The following SHC2 variants were observed in gnomAD, a reference collection of about 807,000 sequenced individuals.
SHC2 encodes SHC adaptor protein 2.
In SHC2, 62 loss-of-function variants were observed where a neutral mutation model predicts 60.6. The ratio of observed to expected loss-of-function variants is 1.02; its 90% CI spans 0.83 to 1.26. The LOEUF is 1.26. Ranked by LOEUF, SHC2 falls within the 50% of genes most tolerant of loss-of-function variation. SHC2 has a pLI of 0.00. For missense variants in SHC2, 873 were observed against 822.2 expected (o/e 1.06, Z -0.76); for synonymous variants, 375 against 372.4 (o/e 1.01, Z -0.08).
In SHC2 at chr19:446,959, CAT is replaced by C. The variant is rs1975068026; in HGVS notation, c.469-6029_469-6028del. 6.6e-6 allele frequency among the ~76,000 whole-genome samples: 1 copy of C among 152,274 alleles called. No homozygotes were observed. Among genetic ancestry groups the C allele is most frequent in the African/African-American group, 2.4e-5 (1 of 41,478 alleles). On this transcript the variant is annotated intron_variant, in intron 1 of 12. Coordinates refer to ENST00000264554, the MANE Select transcript of SHC2 (RefSeq NM_012435.3). The surrounding 1 kb of genome is among the most constrained non-coding windows in gnomAD (Gnocchi z 5.4). Reference sequence around the variant, plus strand: ...CCACGCCAGCCACCGGGACCCACCTCATAGGCTTTGCCATGGTCTGTATCGAT... The same window carrying C: ...CCACGCCAGCCACCGGGACCCACCTCAGGCTTTGCCATGGTCTGTATCGAT...
chr19:458,617 C>T (rs1341516315), intron 1 of SHC2, among the ~76,000 whole-genome samples: 5 of 90,818 alleles, frequency 5.5e-5, no homozygotes, highest in Middle Eastern at 0.011. Flanking sequence ...TCCAGGGAGG[C>T]GGACGCGGGT....
chr19:434,826 C>G lies in SHC2; in HGVS notation c.993G>C (p.Glu331Asp). 1.2e-6 allele frequency: 2 copies of G among 1,612,552 alleles called. No individual in the cohort carries two copies. Among genetic ancestry groups the G allele is most frequent in the Non-Finnish European group, 1.7e-6 (2 of 1,179,778 alleles). ...GPEESAWGDE[E>D]DSLEHNYYNS... is the part of the protein sequence containing the mutation. Reference sequence around the variant, plus strand: ...TGTAGTAATTGTGCTCCAAAGAGTCCTCCTCGTCCCCCCAGGCCGACTCCT... The same window carrying G: ...TGTAGTAATTGTGCTCCAAAGAGTCGTCCTCGTCCCCCCAGGCCGACTCCT... Residue 331 changes from glutamate to aspartate, a missense_variant, in exon 8 of 13, where the codon GAG (glutamate) becomes GAC (aspartate). Transcript: ENST00000264554.
chr19:430,151 A>C lies in SHC2; in HGVS notation c.1174+533T>G, dbSNP rs1294722793. Reference sequence around the variant, plus strand: ...TACCTATATCCCAACATGCACGGAAACCTGATACCGTGTGGATGACGCAGT... The same window carrying C: ...TACCTATATCCCAACATGCACGGAACCCTGATACCGTGTGGATGACGCAGT... On this transcript the variant is annotated intron_variant, in intron 9 of 12. Coordinates refer to ENST00000264554, the MANE Select transcript of SHC2 (RefSeq NM_012435.3). 4.1e-5 allele frequency among the ~76,000 whole-genome samples: 6 copies of C among 147,548 alleles called. 1 individual carries two copies. Among genetic ancestry groups the C allele is most frequent in the East Asian group, 4.3e-4 (2 of 4,652 alleles).
At position 460,908 on chromosome 19, in the gene SHC2, G is replaced by A; in HGVS notation, c.89C>T (p.Pro30Leu). 1 of 990,386 alleles carries A rather than the reference G, an allele frequency of 1.0e-6. No homozygotes were observed. Among genetic ancestry groups the A allele is most frequent in the Non-Finnish European group, 1.2e-6 (1 of 834,564 alleles). The allele number at this position is 990,386 out of a possible 1,614,324, so 61.3% of individuals were successfully genotyped here. Reference sequence around the variant, plus strand: ...CGCGAACTTCCACTGCGGCATTCGGGGCAGCAACGCGCAGAAGGTGGTGGG... The same window carrying A: ...CGCGAACTTCCACTGCGGCATTCGGAGCAGCAACGCGCAGAAGGTGGTGGG... The part of the protein sequence containing the change: ...EAPTTFCALL[P>L]RMPQWKFAAP... The change falls in exon 1 of 13, where the codon CCC becomes CTC. Residue 30 changes from proline (P) to leucine (L), a missense_variant. By Grantham distance (98) the Pro-to-Leu change is moderately conservative. Transcript: ENST00000264554.
At position 460,620 on chromosome 19, in the gene SHC2, A is replaced by T; in HGVS notation, c.377T>A (p.Ile126Asn). The T allele has an allele frequency of 7.5e-7, 1 of 1,339,274 alleles. No individual in the cohort carries two copies. The highest frequency in any genetic ancestry group is 9.6e-7 in the Non-Finnish European group (1 of 1,037,036). The allele number at this position is 1,339,274 out of a possible 1,614,324, so 83.0% of individuals were successfully genotyped here. A position where few individuals can be genotyped will look rare whatever the true frequency, so the allele number is the denominator to read the frequency against. The change falls in exon 1 of 13, where the codon ATC becomes AAC. Residue 126 changes from isoleucine (I) to asparagine (N), a missense_variant. Transcript: ENST00000264554. ...TTTGTGGATGAAGCTGCCCTTCCGG[A>T]TCCACTCGGCGGCGGCGGCGGCGTC... ...SGDAAAAAEWIRKGSFIHKPA... is the reference protein window; with the variant it reads ...SGDAAAAAEWNRKGSFIHKPA...
At chr19:429,207 AT>A (rs1974500390) in intron 9 of SHC2, among the ~76,000 whole-genome samples, 4 of 142,908 alleles carry the variant, frequency 2.8e-5, no homozygotes, top group African/African-American at 2.6e-5. Context: ...TATATCCAAC[AT>A]GCAGAGAAAC....
chr19:439,585 C>G (rs916892528), intron 2 of SHC2: 1 of 154,118 alleles, frequency 6.5e-6, no homozygotes, highest in African/African-American at 2.4e-5. Context: ...GTCGGCGTCA[C>G]GTGGAGAAAC....
Position 460,969 on chromosome 19 carries a change from G to A in SHC2, c.28C>T (p.Pro10Ser). MTQGPGGRA[P>S]PAPPAPPEPE... ...TCGGGGGGCGCGGGGGGCGCCGGGG[G>A]CGCGCGCCCGCCCGGACCCTGCGTC... is the stretch of plus-strand genomic sequence containing the variant. The change falls in exon 1 of 13, where the codon CCC becomes TCC. Residue 10 changes from proline to serine, a missense_variant. Transcript: ENST00000264554. The A allele has an allele frequency of 1.0e-6, 1 of 981,262 alleles. No individual in the cohort carries two copies. Among genetic ancestry groups the A allele is most frequent in the Non-Finnish European group, 1.2e-6 (1 of 826,454 alleles). The allele number at this position is 981,262 out of a possible 1,614,324, so 60.8% of individuals were successfully genotyped here. A position where few individuals can be genotyped will look rare whatever the true frequency, so the allele number is the denominator to read the frequency against.
intron 1 of SHC2, 97 bp downstream of exon 1, chr19:460,432 G>A (rs1600339004): frequency 2.1e-6 from 1 of 472,724 alleles, no homozygotes; most frequent in Non-Finnish European, 3.1e-6. Context: ...GATGGGGAGG[G>A]GACACCTGGC....
chr19:424,346 G>A lies in SHC2; in HGVS notation c.1309+751C>T, dbSNP rs1188725601. On this transcript the variant is annotated intron_variant, in intron 10 of 12. Transcript: ENST00000264554. The surrounding 1 kb of genome is among the most constrained non-coding windows in gnomAD (Gnocchi z 4.5). Reference sequence around the variant, plus strand: ...CTAAGCCTCCCTCATTGGACTGGGCGTTCCTTCAAGCAGGAAGCTGTGCCT... The same window carrying A: ...CTAAGCCTCCCTCATTGGACTGGGCATTCCTTCAAGCAGGAAGCTGTGCCT... Among the ~76,000 whole-genome samples, 3 of 152,184 alleles carry A rather than the reference G, an allele frequency of 2.0e-5. No homozygotes were observed. Among genetic ancestry groups the A allele is most frequent in the Admixed American group, 6.5e-5 (1 of 15,282 alleles).
Position 422,542 on chromosome 19 carries a change from C to A in SHC2, c.1310-86G>T. 2 of 1,185,438 alleles carry A rather than the reference C, an allele frequency of 1.7e-6. No homozygotes were observed. Among genetic ancestry groups the A allele is most frequent in the Non-Finnish European group, 2.3e-6 (2 of 860,270 alleles). 73.4% of individuals were successfully genotyped at this position (1,185,438 alleles called of 1,614,324 possible). A position where few individuals can be genotyped will look rare whatever the true frequency, so the allele number is the denominator to read the frequency against. ...CCAGAGCTGGGAGAAACGGGTTCCCCGGGGAGTCCCTCGTGCACCCGTCGG... is the reference window on the plus strand; with the variant it reads ...CCAGAGCTGGGAGAAACGGGTTCCCAGGGGAGTCCCTCGTGCACCCGTCGG... On this transcript the variant is annotated intron_variant, in intron 10 of 12. Transcript: ENST00000264554. This position sits in a 1 kb window ranked among gnomAD's most constrained non-coding sequence, Gnocchi z 5.0.
intron 11 of SHC2, among the ~76,000 whole-genome samples, chr19:420,965 G>A (rs910613424): frequency 1.3e-5 from 2 of 152,054 alleles, no homozygotes; most frequent in East Asian, 3.9e-4. Flanking sequence ...CAGGAGAATC[G>A]CTTGAACCCG....
chr19:447,156 C>G (rs1333937080), intron 1 of SHC2, among the ~76,000 whole-genome samples: 1 of 152,212 alleles, frequency 6.6e-6, no homozygotes, highest in African/African-American at 2.4e-5. Context: ...TGAAAAGGAG[C>G]AAGTCTCCGA....
intron 12 of SHC2, among the ~76,000 whole-genome samples, chr19:417,548 G>A (rs1043130606): frequency 5.9e-5 from 9 of 152,224 alleles, no homozygotes; most frequent in Non-Finnish European, 8.8e-5. Context: ...GTCTCCTCGC[G>A]TGCAAGCAAG....
Position 440,966 on chromosome 19 carries a change from G to C in SHC2, c.469-34C>G. 6.3e-7 allele frequency: 1 copy of C among 1,596,324 alleles called. No individual in the cohort carries two copies. The highest frequency in any genetic ancestry group is 8.6e-7 in the Non-Finnish European group (1 of 1,165,090). ...AGAGAACAGGTGTCAGATGCCATCGGAACCCCCGCAGTGGAGCCACGTCCC... is the reference window on the plus strand; with the variant it reads ...AGAGAACAGGTGTCAGATGCCATCGCAACCCCCGCAGTGGAGCCACGTCCC... On this transcript the variant is annotated intron_variant, in intron 1 of 12. Transcript: ENST00000264554. This position sits in a 1 kb window ranked among gnomAD's most constrained non-coding sequence, Gnocchi z 7.0.
Position 422,536 on chromosome 19 carries a change from G to A in SHC2, c.1310-80C>T. 7.4e-6 allele frequency: 9 copies of A among 1,220,358 alleles called. No individual in the cohort carries two copies. The highest frequency in any genetic ancestry group is 1.5e-5 in the African/African-American group (1 of 65,128). 75.6% of individuals were successfully genotyped at this position (1,220,358 alleles called of 1,614,324 possible). A position where few individuals can be genotyped will look rare whatever the true frequency, so the allele number is the denominator to read the frequency against. ...CCGGGACCAGAGCTGGGAGAAACGG[G>A]TTCCCCGGGGAGTCCCTCGTGCACC... On this transcript the variant is annotated intron_variant, in intron 10 of 12. Coordinates refer to ENST00000264554, the MANE Select transcript of SHC2 (RefSeq NM_012435.3). This position sits in a 1 kb window ranked among gnomAD's most constrained non-coding sequence, Gnocchi z 5.0.
rs1174086979 is a variant in SHC2 at position 438,935 on chromosome 19, C to T, written c.600+35G>A. 1.6e-5 allele frequency: 26 copies of T among 1,579,194 alleles called. No homozygotes were observed. Among genetic ancestry groups the T allele is most frequent in the African/African-American group, 2.7e-5 (2 of 74,106 alleles). On this transcript the variant is annotated intron_variant, in intron 3 of 12. Transcript: ENST00000264554. The surrounding 1 kb of genome is among the most constrained non-coding windows in gnomAD (Gnocchi z 5.0). ...GCGTCCCCACAGCCCCCGACTGCCCCACCAGCCCCACGAGAGACCACAAGC... is the reference window on the plus strand; with the variant it reads ...GCGTCCCCACAGCCCCCGACTGCCCTACCAGCCCCACGAGAGACCACAAGC...
rs1174536571 is a variant in SHC2 at position 441,854 on chromosome 19, GCAAA to G, written c.469-926_469-923del. On this transcript the variant is annotated intron_variant, in intron 1 of 12. Coordinates refer to ENST00000264554, the MANE Select transcript of SHC2 (RefSeq NM_012435.3). The surrounding 1 kb of genome is among the most constrained non-coding windows in gnomAD (Gnocchi z 4.9). ...CTCAGTTTCTTTAAATGATCAACACGCAAACACTTTGACCCTGCAGCTCCATTTT... is the reference window on the plus strand; with the variant it reads ...CTCAGTTTCTTTAAATGATCAACACGCACTTTGACCCTGCAGCTCCATTTT... 6.6e-6 allele frequency among the ~76,000 whole-genome samples: 1 copy of G among 152,218 alleles called. No individual in the cohort carries two copies. Among genetic ancestry groups the G allele is most frequent in the Non-Finnish European group, 1.5e-5 (1 of 68,038 alleles).
In SHC2 at chr19:436,240, G is replaced by A. The variant is rs181971319; in HGVS notation, c.878C>T (p.Thr293Ile). Reference protein sequence around the residue: ...CEGLAQSIISTVGQAFELRFK... With the variant: ...CEGLAQSIISIVGQAFELRFK... Reference sequence around the variant, plus strand: ...GCGCAGCTCGAAAGCTTGGCCCACGGTGCTGATGATGCTCTGTGCCAGGCC... The same window carrying A: ...GCGCAGCTCGAAAGCTTGGCCCACGATGCTGATGATGCTCTGTGCCAGGCC... The change falls in exon 7 of 13, where the codon ACC (threonine) becomes ATC (isoleucine). Residue 293 changes from threonine to isoleucine, a missense_variant. By Grantham distance (89) the Thr-to-Ile change is moderately conservative (BLOSUM62 -1). Coordinates refer to ENST00000264554, the MANE Select transcript of SHC2 (RefSeq NM_012435.3). 7.9e-5 allele frequency: 127 copies of A among 1,599,208 alleles called. No homozygotes were observed. In the East Asian group the frequency reaches 2.5e-3, roughly 31 times the overall value.
Sources: gnomAD v4.1 joint callset for allele counts (sites outside exome capture counted in the v4.1 genomes callset) on GRCh38, gnomAD v4.1.1 for gene constraint, Gnocchi (gnomAD v3.1) non-coding constraint, MANE v1.5 for transcripts, NCBI Gene and HGNC (gene_info 2026-07-23, HGNC 2026-07-21) for gene names.